SLC8A1: variants seen among roughly 807,000 people sequenced by gnomAD.
The protein encoded by SLC8A1 is solute carrier family 8 member A1.
A neutral mutation model predicts 68.3 loss-of-function variants in SLC8A1; 18 were observed. The ratio of observed to expected loss-of-function variants is 0.26; its 90% CI spans 0.18 to 0.39. The LOEUF (loss-of-function observed/expected upper bound fraction) is 0.39. SLC8A1 is among the 10% of genes least tolerant of loss of function. The pLI is 1.00. For synonymous variants in SLC8A1, 475 were observed against 415.5 expected (o/e 1.14, Z -1.74); for missense variants, 985 against 1,156.7 (o/e 0.85, Z 2.15).
At chr2:40,230,260 G>T (rs893026596) in intron 2 of SLC8A1, among the ~76,000 whole-genome samples, 2 of 152,124 alleles carry the variant, frequency 1.3e-5, no homozygotes, top group African/African-American at 4.8e-5. Flanking sequence ...CCCTACTTTT[G>T]TTTATAGAAA....
intron 2 of SLC8A1, among the ~76,000 whole-genome samples, chr2:40,280,699 T>A (rs2067384568): frequency 6.6e-6 from 1 of 152,044 alleles, no homozygotes; most frequent in Admixed American, 6.6e-5. Flanking sequence ...ATGTCACAGA[T>A]ATAAATACAG....
chr2:40,212,801 A>C (rs2056843167), intron 2 of SLC8A1, among the ~76,000 whole-genome samples: 2 of 152,174 alleles, frequency 1.3e-5, no homozygotes, highest in African/African-American at 4.8e-5. Flanking sequence ...TTGAACTCAG[A>C]GTTCCTGTTT....
At chr2:40,366,461 G>C (rs1676225185) in intron 2 of SLC8A1, among the ~76,000 whole-genome samples, 1 of 151,944 alleles carries the variant, frequency 6.6e-6, no homozygotes, top group African/African-American at 2.4e-5. Context: ...AGGAACAAAT[G>C]GAATAATATG....
chr2:40,330,211 A>G (rs2076274736), intron 2 of SLC8A1, among the ~76,000 whole-genome samples: 1 of 152,166 alleles, frequency 6.6e-6, no homozygotes, highest in African/African-American at 2.4e-5. Flanking sequence ...ATATTTTTCC[A>G]TTTGCATAGT....
intron 2 of SLC8A1, among the ~76,000 whole-genome samples, chr2:40,253,465 A>G (rs949123694): frequency 6.6e-6 from 1 of 152,038 alleles, no homozygotes; most frequent in South Asian, 2.1e-4. Flanking sequence ...CAAGTATTAT[A>G]TGTTCTCACT....
intron 2 of SLC8A1, among the ~76,000 whole-genome samples, chr2:40,322,501 TAAAAA>T (rs10708563): frequency 2.2e-4 from 21 of 97,324 alleles, no homozygotes; most frequent in African/African-American, 8.0e-4. Flanking sequence ...TACAAAAGGT[TAAAAA>T]AAAAAAAAAA....
At chr2:40,278,836 AT>A (rs1423100197) in intron 2 of SLC8A1, among the ~76,000 whole-genome samples, 11 of 152,212 alleles carry the variant, frequency 7.2e-5, no homozygotes, top group Admixed American at 7.2e-4. Flanking sequence ...AACATGTAAA[AT>A]TTAAATCAGT....
chr2:40,322,081 G>C (rs561215872), intron 2 of SLC8A1, among the ~76,000 whole-genome samples: 52 of 152,170 alleles, frequency 3.4e-4, no homozygotes, highest in African/African-American at 1.2e-3. Flanking sequence ...TTAGCAGTAA[G>C]TCAGTTTCTT....
upstream of SLC8A1, among the ~76,000 whole-genome samples, chr2:40,456,694 A>G (rs1015891673): frequency 6.6e-6 from 1 of 152,222 alleles, no homozygotes; most frequent in Non-Finnish European, 1.5e-5. Context: ...ATAGTTCCTG[A>G]TCATAGTAAT....
At chr2:40,201,324 C>A (rs2054323254) in intron 2 of SLC8A1, among the ~76,000 whole-genome samples, 1 of 151,876 alleles carries the variant, frequency 6.6e-6, no homozygotes, top group South Asian at 2.1e-4. Flanking sequence ...TTTTTCTACT[C>A]ATTCAACACT....
At chr2:40,429,882 T>A (rs367608025) in exon 2 of SLC8A1, 50 of 1,613,396 alleles carry the variant, frequency 3.1e-5, no homozygotes, top group Admixed American at 5.0e-5. Flanking sequence ...GGTTAGAAAC[T>A]GTTTCATTCC....
chr2:40,333,698 T>C (rs535086264), intron 2 of SLC8A1, among the ~76,000 whole-genome samples: 7 of 152,176 alleles, frequency 4.6e-5, no homozygotes, highest in South Asian at 4.1e-4. Flanking sequence ...CTTATCATTA[T>C]TGTAGCATAC....
chr2:40,307,810 T>A (rs2072941526), intron 2 of SLC8A1, among the ~76,000 whole-genome samples: 1 of 152,136 alleles, frequency 6.6e-6, no homozygotes, highest in Non-Finnish European at 1.5e-5. Flanking sequence ...AAAGGCATCA[T>A]AACCTTCCAG....
intron 2 of SLC8A1, among the ~76,000 whole-genome samples, chr2:40,396,414 C>A (rs972689884): frequency 3.3e-5 from 5 of 152,100 alleles, no homozygotes; most frequent in Non-Finnish European, 7.4e-5. Context: ...TTCAATTCTG[C>A]TGCCAGTAAT....
chr2:40,282,422 T>G (rs1239712786), intron 2 of SLC8A1, among the ~76,000 whole-genome samples: 2 of 152,182 alleles, frequency 1.3e-5, no homozygotes, highest in African/African-American at 2.4e-5. Context: ...CCCAAGACAT[T>G]GAGCATCCAT....
At chr2:40,351,797 G>T (rs373183327) in intron 2 of SLC8A1, among the ~76,000 whole-genome samples, 3 of 152,112 alleles carry the variant, frequency 2.0e-5, no homozygotes, top group African/African-American at 7.2e-5. Context: ...TGAGGTTGTA[G>T]AGATGGTAGG....
At chr2:40,160,572 T>TGAA (rs1007239854) in intron 6 of SLC8A1, among the ~76,000 whole-genome samples, 193 bp downstream of exon 9, 2 of 152,222 alleles carry the variant, frequency 1.3e-5, no homozygotes, top group African/African-American at 4.8e-5. Flanking sequence ...ATGTCATGTG[T>TGAA]GAAGACATTT....
intron 2 of SLC8A1, among the ~76,000 whole-genome samples, chr2:40,383,549 C>G (rs75842684): frequency 0.019 from 2,848 of 152,020 alleles, 79 homozygotes; most frequent in African/African-American, 0.064. Context: ...TTATCTCTTT[C>G]TAGATTTACA....
At chr2:40,393,826 C>A (rs1686045147) in intron 2 of SLC8A1, among the ~76,000 whole-genome samples, 1 of 152,066 alleles carries the variant, frequency 6.6e-6, no homozygotes, top group African/African-American at 2.4e-5. Flanking sequence ...ATAGTCATAA[C>A]CTAAATCACC....
Sources: allele counts gnomAD v4.1 joint callset (sites outside exome capture counted in the v4.1 genomes callset), GRCh38; gene constraint gnomAD v4.1.1; transcripts MANE v1.5; gene names NCBI Gene and HGNC (gene_info 2026-07-23, HGNC 2026-07-21).